Variants in KCNMB2 observed in about 807,000 individuals in gnomAD.
The protein encoded by KCNMB2 is calcium-activated potassium channel subunit beta-2.
A neutral mutation model predicts 24.5 loss-of-function variants in KCNMB2; 9 were observed. That is an observed-to-expected ratio of 0.37 (90% CI 0.22 to 0.64). The LOEUF (loss-of-function observed/expected upper bound fraction) is 0.64, where lower values mean the gene tolerates loss of function less well. Among genes scored for constraint, KCNMB2 ranks in the 30% least tolerant of loss-of-function variants. KCNMB2 has a pLI of 0.63. For synonymous variants in KCNMB2, 109 were observed against 104.4 expected (o/e 1.04, Z -0.27); for missense variants, 226 against 284.3 (o/e 0.79, Z 1.47).
intron 1 of KCNMB2, among the ~76,000 whole-genome samples, chr3:178,702,547 G>T (rs1427971617): frequency 2.0e-5 from 3 of 152,038 alleles, no homozygotes; most frequent in African/African-American, 7.2e-5. Context: ...TATTACAAGA[G>T]CCAAAGGTCC....
At position 178,630,376 on chromosome 3, in the gene KCNMB2, C is replaced by T. The variant is rs111259052; in HGVS notation, c.-68+93665C>T. 9.1e-3 allele frequency among the ~76,000 whole-genome samples: 1,389 copies of T among 152,312 alleles called. 20 individuals are homozygous for T. The highest frequency in any genetic ancestry group is 0.03 in the African/African-American group (1,265 of 41,568). On this transcript the variant is annotated intron_variant, in intron 1 of 4. Transcript: ENST00000452583. ...TAAGTGTTCCAGCATCTCCTCCCAA[C>T]GGGACTGCCACCAGTAAGCTGTTCC...
At chr3:178,670,729 C>A (rs546320204) in intron 1 of KCNMB2, among the ~76,000 whole-genome samples, 4 of 152,280 alleles carry the variant, frequency 2.6e-5, no homozygotes, top group African/African-American at 9.6e-5. Context: ...AAAGTCTTAA[C>A]CACTCTGCTG....
At chr3:178,550,309 T>C (rs1431853161) in intron 1 of KCNMB2, among the ~76,000 whole-genome samples, 1 of 147,372 alleles carries the variant, frequency 6.8e-6, no homozygotes, top group Admixed American at 6.7e-5. Context: ...AAAAAAAAAA[T>C]TAGACGGGCA....
At chr3:178,768,438 T>G (rs1163416354) in intron 1 of KCNMB2, among the ~76,000 whole-genome samples, 1 of 152,128 alleles carries the variant, frequency 6.6e-6, no homozygotes, top group East Asian at 1.9e-4. Context: ...GATAAATATT[T>G]ATACATGATA....
At chr3:178,759,431 G>A (rs1303780677) in intron 1 of KCNMB2, among the ~76,000 whole-genome samples, 1 of 13,560 alleles carries the variant, frequency 7.4e-5, no homozygotes. Context: ...ATCTCTCCAA[G>A]AGGATATATA....
At chr3:178,540,666 C>G (rs1715585652) in intron 1 of KCNMB2, among the ~76,000 whole-genome samples, 1 of 152,222 alleles carries the variant, frequency 6.6e-6, no homozygotes, top group Non-Finnish European at 1.5e-5. Flanking sequence ...AATTCTTCCC[C>G]TGCATAGTCA....
chr3:178,573,313 A>G (rs902579592), intron 1 of KCNMB2, among the ~76,000 whole-genome samples: 1 of 152,100 alleles, frequency 6.6e-6, no homozygotes, highest in African/African-American at 2.4e-5. Context: ...CTGGCCAGAA[A>G]TATTCTAAGT....
intron 1 of KCNMB2, among the ~76,000 whole-genome samples, chr3:178,703,348 T>C (rs1383667813): frequency 6.6e-6 from 1 of 152,116 alleles, no homozygotes; most frequent in Admixed American, 6.6e-5. Flanking sequence ...CACCATTCCA[T>C]TATTCCCAAG....
At chr3:178,640,859 T>A (rs1719699246) in intron 1 of KCNMB2, among the ~76,000 whole-genome samples, 1 of 152,164 alleles carries the variant, frequency 6.6e-6, no homozygotes, top group African/African-American at 2.4e-5. Flanking sequence ...CAGTTAAATT[T>A]TTTTTTAAGT....
chr3:178,605,493 G>A lies in KCNMB2; in HGVS notation c.-68+68782G>A, dbSNP rs565946955. ...AGGATAAAGGGTGGAGGCTGAAAGA[G>A]TTTGTATGTACATGCTAGGAAAAGT... On this transcript the variant is annotated intron_variant, in intron 1 of 4. Coordinates refer to ENST00000452583, the MANE Select transcript of KCNMB2 (RefSeq NM_181361.3). Among the ~76,000 whole-genome samples the A allele has an allele frequency of 3.3e-4, 50 of 152,298 alleles. 1 individual carries two copies. Among genetic ancestry groups the A allele is most frequent in the Middle Eastern group, 3.4e-3 (1 of 294 alleles).
intron 1 of KCNMB2, among the ~76,000 whole-genome samples, chr3:178,578,152 GA>G (rs1717061890): frequency 6.6e-6 from 1 of 152,214 alleles, no homozygotes; most frequent in African/African-American, 2.4e-5. Flanking sequence ...CCGACAAAGA[GA>G]AGCCCATCAA....
intron 1 of KCNMB2, among the ~76,000 whole-genome samples, chr3:178,685,764 T>C (rs1246975052): frequency 6.6e-6 from 1 of 152,226 alleles, no homozygotes; most frequent in African/African-American, 2.4e-5. Flanking sequence ...TTTTAAACAG[T>C]ATCATTCTGA....
chr3:178,564,078 G>T (rs958870493), intron 1 of KCNMB2, among the ~76,000 whole-genome samples: 1 of 152,026 alleles, frequency 6.6e-6, no homozygotes. Flanking sequence ...AGGAGTTCGA[G>T]ACCAGCTTGA....
intron 1 of KCNMB2, among the ~76,000 whole-genome samples, chr3:178,597,493 C>G (rs1004686470): frequency 6.6e-6 from 1 of 152,064 alleles, no homozygotes; most frequent in African/African-American, 2.4e-5. Flanking sequence ...GAAATGTGCA[C>G]AACACTGAGT....
At chr3:178,797,939 CTGT>C (rs140283250) in intron 1 of KCNMB2, among the ~76,000 whole-genome samples, 27,338 of 151,842 alleles carry the variant, frequency 0.18, 2,803 homozygotes, top group African/African-American at 0.28. Flanking sequence ...CTCTGCTTGC[CTGT>C]TGTTGGTGTA....
intron 1 of KCNMB2, among the ~76,000 whole-genome samples, chr3:178,627,148 T>G (rs764934169): frequency 6.6e-6 from 1 of 152,124 alleles, no homozygotes; most frequent in Non-Finnish European, 1.5e-5. Context: ...ATTTATTTTA[T>G]TCTCTCCGTG....
At chr3:178,607,175 G>T (rs1414029054) in intron 1 of KCNMB2, among the ~76,000 whole-genome samples, 3 of 152,126 alleles carry the variant, frequency 2.0e-5, no homozygotes, top group Non-Finnish European at 2.9e-5. Context: ...ACAACACAAA[G>T]AACTGAATAT....
chr3:178,714,810 G>C (rs993816202), intron 1 of KCNMB2, among the ~76,000 whole-genome samples: 1 of 147,660 alleles, frequency 6.8e-6, no homozygotes, highest in Non-Finnish European at 1.5e-5. Context: ...CTTGAGGCTG[G>C]GCCCACTTTC....
At position 178,537,257 on chromosome 3, in the gene KCNMB2, G is replaced by A. The variant is rs572668644; in HGVS notation, c.-68+546G>A. On this transcript the variant is annotated intron_variant, in intron 1 of 4. Coordinates refer to ENST00000452583, the MANE Select transcript of KCNMB2 (RefSeq NM_181361.3). ...GTAATCCATTATAAAAGAAAATTGG[G>A]TACCTTCGTCCGTTTTGCATATTGA... 9 of 152,182 alleles carry A rather than the reference G, an allele frequency of 5.9e-5. No individual in the cohort carries two copies. The South Asian group carries it at 1.9e-3, about 32-fold the overall frequency. The allele number at this position is 152,182 out of a possible 1,614,324, so 9.4% of individuals were successfully genotyped here. A position where few individuals can be genotyped will look rare whatever the true frequency, so the allele number is the denominator to read the frequency against.
Sources: gnomAD v4.1 joint callset for allele counts (sites outside exome capture counted in the v4.1 genomes callset) on GRCh38, gnomAD v4.1.1 for gene constraint, MANE v1.5 for transcripts, NCBI Gene and HGNC (gene_info 2026-07-23, HGNC 2026-07-21) for gene names.